Variants in C10orf90 observed in about 807,000 individuals in gnomAD.
The protein encoded by C10orf90 is (E2-independent) E3 ubiquitin-conjugating enzyme FATS.
In C10orf90, 56 loss-of-function variants were observed where a neutral mutation model predicts 62.5. The observed-to-expected ratio is 0.90, with a 90% CI of 0.72 to 1.12. The LOEUF (loss-of-function observed/expected upper bound fraction) is 1.12. Ranked by LOEUF, C10orf90 falls within the 50% of genes most tolerant of loss-of-function variation. The pLI, the probability that C10orf90 is intolerant of heterozygous loss-of-function variation, is 0.00. For synonymous variants in C10orf90, 386 were observed against 340.4 expected, an observed-to-expected ratio of 1.13 and a Z score of -1.47; for missense variants, 970 against 880.4, an observed-to-expected ratio of 1.10 and a Z score of -1.29.
chr10:126,662,300 T>C (rs1846532182), intron 1 of C10orf90, among the ~76,000 whole-genome samples: 1 of 152,044 alleles, frequency 6.6e-6, no homozygotes, highest in South Asian at 2.1e-4. Flanking sequence ...TTCCAGGTGG[T>C]AAAGGACCCG....
At chr10:126,623,063 C>T (rs1845677322) in intron 2 of C10orf90, among the ~76,000 whole-genome samples, 1 of 152,208 alleles carries the variant, frequency 6.6e-6, no homozygotes, top group Non-Finnish European at 1.5e-5. Context: ...AGACCTCGGG[C>T]CCCGACCCTG....
intron 2 of C10orf90, among the ~76,000 whole-genome samples, chr10:126,532,513 C>T (rs1036922603): frequency 3.3e-5 from 5 of 151,926 alleles, no homozygotes; most frequent in Non-Finnish European, 7.4e-5. Context: ...TCAAATGAAC[C>T]CCCGATAAGT....
At chr10:126,530,686 C>T (rs890906041) in intron 2 of C10orf90, among the ~76,000 whole-genome samples, 3 of 151,922 alleles carry the variant, frequency 2.0e-5, no homozygotes, top group Non-Finnish European at 2.9e-5. Context: ...GAAACCAAAC[C>T]GAGCCCAGGC....
At chr10:126,607,850 T>C (rs1313461562) in intron 2 of C10orf90, among the ~76,000 whole-genome samples, 1 of 152,198 alleles carries the variant, frequency 6.6e-6, no homozygotes, top group Non-Finnish European at 1.5e-5. Context: ...AAGAAAGTAT[T>C]ACATGTCTAT....
intron 2 of C10orf90, among the ~76,000 whole-genome samples, chr10:126,585,827 A>T (rs1488441448): frequency 6.6e-6 from 1 of 152,210 alleles, no homozygotes; most frequent in Non-Finnish European, 1.5e-5. Context: ...TGGAGTTCCC[A>T]GACCACATCA....
intron 4 of C10orf90, among the ~76,000 whole-genome samples, chr10:126,493,268 C>T (rs1591005273): frequency 6.6e-6 from 1 of 151,734 alleles, no homozygotes; most frequent in Non-Finnish European, 1.5e-5. Context: ...GAAATGTTAA[C>T]CATGATGTTC....
chr10:126,445,805 G>GTATATA (rs71029302), intron 7 of C10orf90, among the ~76,000 whole-genome samples: 18,814 of 100,456 alleles, frequency 0.19, 1,571 homozygotes, highest in East Asian at 0.35. Flanking sequence ...AAACTGTGGT[G>GTATATA]TATATATATA....
intron 7 of C10orf90, among the ~76,000 whole-genome samples, chr10:126,438,881 G>A (rs1179957358): frequency 1.3e-5 from 2 of 151,880 alleles, no homozygotes; most frequent in Non-Finnish European, 2.9e-5. Context: ...CTATACAACT[G>A]CTGCCCCAGA....
At chr10:126,602,696 C>T (rs1350917094) in intron 2 of C10orf90, among the ~76,000 whole-genome samples, 1 of 150,716 alleles carries the variant, frequency 6.6e-6, no homozygotes, top group Non-Finnish European at 1.5e-5. Context: ...TTTAACCCCT[C>T]AAAAAGCAAG....
intron 1 of C10orf90, among the ~76,000 whole-genome samples, chr10:126,662,722 A>C (rs559201069): frequency 1.2e-4 from 18 of 150,718 alleles, no homozygotes; most frequent in Admixed American, 4.6e-4. Flanking sequence ...TCCTCCATGC[A>C]TTCTTGCTGA....
intron 2 of C10orf90, among the ~76,000 whole-genome samples, chr10:126,515,132 A>G (rs150574955): frequency 1.3e-5 from 2 of 152,376 alleles, no homozygotes; most frequent in Admixed American, 1.3e-4. Context: ...CGGTCAATGA[A>G]GGACTGCATA....
At chr10:126,649,034 G>GTCTCTGTCTCTC (rs1483691899) in intron 1 of C10orf90, among the ~76,000 whole-genome samples, 16 of 26,608 alleles carry the variant, frequency 6.0e-4, no homozygotes, top group Non-Finnish European at 1.2e-3. Flanking sequence ...CTCTGTCTCT[G>GTCTCTGTCTCTC]TCTCTCTCTC....
chr10:126,501,416 G>A (rs1176453327), intron 4 of C10orf90, among the ~76,000 whole-genome samples: 3 of 152,050 alleles, frequency 2.0e-5, no homozygotes, highest in African/African-American at 7.2e-5. Flanking sequence ...GTGAAGGTGT[G>A]CATTTGTAGG....
At chr10:126,455,305 G>A (rs1018789887) in intron 7 of C10orf90, among the ~76,000 whole-genome samples, 2 of 152,000 alleles carry the variant, frequency 1.3e-5, no homozygotes, top group South Asian at 2.1e-4. Flanking sequence ...TCTTCACTGC[G>A]TGTTCCCTTC....
Position 126,543,054 on chromosome 10 carries a change from T to G in C10orf90, c.314-29115A>C, listed in dbSNP as rs549156025. 3.9e-5 allele frequency among the ~76,000 whole-genome samples: 6 copies of G among 152,372 alleles called. No homozygotes were observed. The East Asian group carries it at 9.6e-4, about 24-fold the overall frequency. On this transcript the variant is annotated intron_variant, in intron 2 of 9. Coordinates refer to ENST00000488181, the MANE Select transcript of C10orf90 (RefSeq NM_001350921.2). ...AAGTAAACAATGAATTGGTCTCTAA[T>G]TTCCCTTGAAAATTCCTTAAATCAC...
At chr10:126,612,560 T>C (rs1282947725) in intron 2 of C10orf90, among the ~76,000 whole-genome samples, 4 of 152,210 alleles carry the variant, frequency 2.6e-5, no homozygotes, top group Non-Finnish European at 5.9e-5. Flanking sequence ...GCCAGCCATC[T>C]GAAGAGGTTT....
intron 2 of C10orf90, among the ~76,000 whole-genome samples, chr10:126,541,609 T>C (rs1194009969): frequency 6.6e-6 from 1 of 152,172 alleles, no homozygotes; most frequent in Non-Finnish European, 1.5e-5. Flanking sequence ...CTTAACATTA[T>C]TAGTCATTAG....
At chr10:126,485,965 T>C (rs1037499504) in intron 4 of C10orf90, among the ~76,000 whole-genome samples, 15 of 151,212 alleles carry the variant, frequency 9.9e-5, no homozygotes, top group African/African-American at 3.2e-4. Flanking sequence ...AAAAAAACCT[T>C]AGAAATAAGT....
intron 2 of C10orf90, among the ~76,000 whole-genome samples, chr10:126,538,443 C>A (rs1864295158): frequency 6.6e-6 from 1 of 152,144 alleles, no homozygotes; most frequent in Non-Finnish European, 1.5e-5. Context: ...TTCTGCATGG[C>A]CCTCAGAAGG....
Sources: allele counts gnomAD v4.1 joint callset (sites outside exome capture counted in the v4.1 genomes callset), GRCh38; gene constraint gnomAD v4.1.1; transcripts MANE v1.5; gene names NCBI Gene and HGNC (gene_info 2026-07-23, HGNC 2026-07-21).